Variants in CFAP43 observed in about 807,000 individuals in gnomAD.
The protein encoded by CFAP43 is cilia and flagella associated protein 43.
Under a neutral mutation model 218.9 loss-of-function variants are expected in CFAP43, and 155 were observed. The ratio of observed to expected loss-of-function variants is 0.71; its 90% CI spans 0.62 to 0.81. The LOEUF (loss-of-function observed/expected upper bound fraction) is 0.81. Among genes scored for constraint, CFAP43 ranks in the 30% least tolerant of loss-of-function variants. The pLI is 0.00. For missense variants in CFAP43, 1,778 were observed against 1,954.3 expected, an observed-to-expected ratio of 0.91 and a Z score of 1.70; for synonymous variants, 645 against 681.3, an observed-to-expected ratio of 0.95 and a Z score of 0.83.
chr10:104,225,573 C>T lies in CFAP43; in HGVS notation c.320-16G>A. 1 of 1,595,288 alleles carries T rather than the reference C, an allele frequency of 6.3e-7. No individual in the cohort carries two copies. Among genetic ancestry groups the T allele is most frequent in the African/African-American group, 1.3e-5 (1 of 74,098 alleles). On this transcript the variant is annotated splice_polypyrimidine_tract_variant and intron_variant, in intron 2 of 37. Coordinates refer to ENST00000357060, the MANE Select transcript of CFAP43 (RefSeq NM_025145.7). ...AGAATGTTGCCTAAAATATAAAATC[C>T]ATTATCAGGATTTGATTATGTTAAG...
At chr10:104,172,387 G>T in intron 20 of CFAP43, 23 bp downstream of exon 20, 2 of 1,599,896 alleles carry the variant, frequency 1.3e-6, no homozygotes, top group East Asian at 2.3e-5. Context: ...ACTTTATGGT[G>T]CTTAAATTAT....
At chr10:104,131,261 A>G in intron 37 of CFAP43, 70 bp downstream of exon 37, 1 of 1,526,130 alleles carries the variant, frequency 6.6e-7, no homozygotes, top group Non-Finnish European at 8.9e-7. Flanking sequence ...TAACTGTTGT[A>G]TACATTTTAG....
chr10:104,231,741 T>C (rs1379130802), intron 1 of CFAP43, among the ~76,000 whole-genome samples: 1 of 151,974 alleles, frequency 6.6e-6, no homozygotes, highest in Non-Finnish European at 1.5e-5. Flanking sequence ...AGCTAGTGGA[T>C]AGGAGTTAGA....
intron 34 of CFAP43, among the ~76,000 whole-genome samples, chr10:104,136,157 AG>A (rs1344289665): frequency 6.8e-6 from 1 of 147,590 alleles, no homozygotes; most frequent in Admixed American, 6.9e-5. Context: ...AGGCTGAGGC[AG>A]GAGAATCGCT....
At chr10:104,205,940 A>G (rs776588861) in intron 7 of CFAP43, 23 bp downstream of exon 7, 1 of 1,596,352 alleles carries the variant, frequency 6.3e-7, no homozygotes, top group Non-Finnish European at 8.5e-7. Context: ...AAACCAATTA[A>G]TTTGAAAAAA....
intron 8 of CFAP43, among the ~76,000 whole-genome samples, chr10:104,199,606 A>G (rs1163859161): frequency 1.3e-5 from 2 of 152,234 alleles, no homozygotes; most frequent in Non-Finnish European, 2.9e-5. Context: ...TGATAATTGT[A>G]AGAAGAAAAA....
At chr10:104,131,628 T>TGCC in intron 36 of CFAP43, 144 bp from the exon 37 acceptor site, 8 of 919,886 alleles carry the variant, frequency 8.7e-6, no homozygotes, top group South Asian at 2.0e-5. Context: ...CCTGGCATAG[T>TGCC]AGGCACTCGA....
At chr10:104,200,405 C>T (rs1183038658) in intron 8 of CFAP43, among the ~76,000 whole-genome samples, 6 of 151,818 alleles carry the variant, frequency 4.0e-5, no homozygotes, top group African/African-American at 1.5e-4. Flanking sequence ...CTTGAAGGTT[C>T]ATGCTTGTAA....
chr10:104,147,047 C>A (rs1457766932), intron 29 of CFAP43, among the ~76,000 whole-genome samples: 1 of 152,004 alleles, frequency 6.6e-6, no homozygotes, highest in Non-Finnish European at 1.5e-5. Context: ...GTGGATGAGT[C>A]CCTTGCTGTG....
intron 12 of CFAP43, 80 bp downstream of exon 12, chr10:104,192,119 A>C: frequency 9.5e-7 from 1 of 1,057,520 alleles, no homozygotes. Context: ...TTCAATATTC[A>C]ATATGAAAAG....
intron 16 of CFAP43, 46 bp from the exon 17 acceptor site, chr10:104,182,559 T>C (rs959573440): frequency 6.6e-7 from 1 of 1,509,480 alleles, no homozygotes; most frequent in Non-Finnish European, 8.8e-7. Flanking sequence ...AAATCATAAT[T>C]TAAAAAATCA....
chr10:104,184,018 G>A (rs1397228233), intron 16 of CFAP43, among the ~76,000 whole-genome samples: 1 of 152,100 alleles, frequency 6.6e-6, no homozygotes, highest in East Asian at 1.9e-4. Context: ...GAGAAGGGCC[G>A]TATTTTATTA....
At chr10:104,197,004 C>A in intron 9 of CFAP43, 71 bp from the exon 10 acceptor site, 1 of 1,210,630 alleles carries the variant, frequency 8.3e-7, no homozygotes. Flanking sequence ...TTCTACCTCC[C>A]TTTCCAGTGT....
rs2089990299 is a variant in CFAP43 at position 104,185,143 on chromosome 10, T to C, written c.2014A>G (p.Thr672Ala). Residue 672 changes from threonine to alanine, a missense_variant, in exon 16 of 38, where the codon ACA becomes GCA. Coordinates refer to ENST00000357060, the MANE Select transcript of CFAP43 (RefSeq NM_025145.7). ...GAATGACTCCGACACCAAGCAAATGTTTCCTCAATAGTTAAGAAATAAACC... is the reference window on the plus strand; with the variant it reads ...GAATGACTCCGACACCAAGCAAATGCTTCCTCAATAGTTAAGAAATAAACC... The part of the protein sequence containing the change: ...LCIRDVYTLE[T>A]FAWCRSHSHQ... 1 of 1,613,626 alleles carries C rather than the reference T, an allele frequency of 6.2e-7. No individual in the cohort carries two copies. The highest frequency in any genetic ancestry group is 8.5e-7 in the Non-Finnish European group (1 of 1,179,890).
intron 9 of CFAP43, among the ~76,000 whole-genome samples, chr10:104,197,388 C>G (rs2090410325): frequency 6.6e-6 from 1 of 152,172 alleles, no homozygotes; most frequent in Admixed American, 6.5e-5. Flanking sequence ...CTACTATTAA[C>G]ATCTTGCATT....
chr10:104,185,941 C>A, intron 15 of CFAP43, 33 bp downstream of exon 15: 1 of 1,596,450 alleles, frequency 6.3e-7, no homozygotes, highest in Non-Finnish European at 8.5e-7. Context: ...AATATATACA[C>A]CCACAATATT....
intron 8 of CFAP43, 190 bp downstream of exon 8, chr10:104,203,482 A>T (rs894839184): frequency 1.4e-5 from 7 of 485,340 alleles, no homozygotes; most frequent in Non-Finnish European, 2.4e-5. Flanking sequence ...TTTCAGTTAC[A>T]TGCACAAAAA....
At chr10:104,212,458 T>C (rs2090893758) in intron 4 of CFAP43, among the ~76,000 whole-genome samples, 1 of 152,090 alleles carries the variant, frequency 6.6e-6, no homozygotes, top group Non-Finnish European at 1.5e-5. Context: ...GTGAGGACAG[T>C]GGAAAATGGG....
chr10:104,133,504 A>ATATG (rs2087292950), intron 35 of CFAP43, 116 bp downstream of exon 35: 1 of 1,128,504 alleles, frequency 8.9e-7, no homozygotes, highest in African/African-American at 1.6e-5. Context: ...ATTTTGAAAC[A>ATATG]CTCCTGGCTT....
Sources: allele counts gnomAD v4.1 joint callset (sites outside exome capture counted in the v4.1 genomes callset), GRCh38; gene constraint gnomAD v4.1.1; transcripts MANE v1.5; gene names NCBI Gene and HGNC (gene_info 2026-07-23, HGNC 2026-07-21).